The following CRISP1 variants were observed in gnomAD, a reference collection of about 807,000 sequenced individuals.
The protein encoded by CRISP1 is cysteine rich secretory protein 1.
In CRISP1, 44 loss-of-function variants were observed where a neutral mutation model predicts 33.1. The observed-to-expected ratio is 1.33, with a 90% CI of 1.05 to 1.71. The LOEUF (loss-of-function observed/expected upper bound fraction) is 1.71. CRISP1 is among the 40% of genes most tolerant of loss of function. CRISP1 has a pLI of 0.00. For missense variants in CRISP1, 390 were observed against 301.2 expected (o/e 1.29, Z -2.18); for synonymous variants, 103 against 98.7 (o/e 1.04, Z -0.26).
chr6:49,835,423 C>A lies in CRISP1; in HGVS notation c.643G>T (p.Asp215Tyr). The change falls in exon 8 of 8, where the codon GAT becomes TAT. Residue 215 changes from aspartate (D) to tyrosine (Y), a missense_variant. Asp to Tyr is a radical substitution (Grantham distance 160). Transcript: ENST00000335847. The part of the protein sequence containing the change: ...KLCTNPCIYY[D>Y]EYFDCDIQVH... ...TGTATGTCACAGTCGAAGTATTCAT[C>A]ATAGTAGATGCAGGGGTTAGCTGAA... The A allele has an allele frequency of 6.2e-7, 1 of 1,613,686 alleles. No homozygotes were observed. Among genetic ancestry groups the A allele is most frequent in the Non-Finnish European group, 8.5e-7 (1 of 1,179,730 alleles).
At chr6:49,863,419 A>G (rs935880744) in intron 1 of CRISP1, among the ~76,000 whole-genome samples, 1 of 152,206 alleles carries the variant, frequency 6.6e-6, no homozygotes, top group South Asian at 2.1e-4. Context: ...GAACAGAAGT[A>G]TTACAGAAGA....
intron 7 of CRISP1, among the ~76,000 whole-genome samples, chr6:49,837,089 A>G (rs1770824937): frequency 6.6e-6 from 1 of 152,000 alleles, no homozygotes; most frequent in South Asian, 2.1e-4. Context: ...TCCTAATATT[A>G]TAAGTAAGAA....
At chr6:49,871,765 T>C (rs1388092324) in intron 1 of CRISP1, among the ~76,000 whole-genome samples, 1 of 152,120 alleles carries the variant, frequency 6.6e-6, no homozygotes, top group South Asian at 2.1e-4. Flanking sequence ...TTCCATGGTG[T>C]ATATGTGCCA....
intron 7 of CRISP1, among the ~76,000 whole-genome samples, chr6:49,836,970 A>T (rs977208340): frequency 6.6e-6 from 1 of 152,002 alleles, no homozygotes; most frequent in Non-Finnish European, 1.5e-5. Context: ...GTGAAATATG[A>T]CTATCAGTGG....
At chr6:49,854,938 G>A (rs765205463) in intron 2 of CRISP1, among the ~76,000 whole-genome samples, 1 of 152,102 alleles carries the variant, frequency 6.6e-6, no homozygotes, top group East Asian at 1.9e-4. Context: ...TGGCAATAAG[G>A]TTGAAGTTGG....
At chr6:49,850,010 A>G (rs1453720219) in intron 3 of CRISP1, among the ~76,000 whole-genome samples, 1 of 149,688 alleles carries the variant, frequency 6.7e-6, no homozygotes, top group Non-Finnish European at 1.5e-5. Flanking sequence ...AAAAAACCAA[A>G]CACCGCATAT....
chr6:49,863,905 G>A lies in CRISP1; in HGVS notation c.-3+2524C>T, dbSNP rs568172994. Among the ~76,000 whole-genome samples the A allele has an allele frequency of 6.6e-5, 10 of 152,292 alleles. No homozygotes were observed. The South Asian group carries it at 2.1e-3, about 32-fold the overall frequency. On this transcript the variant is annotated intron_variant, in intron 1 of 7. Coordinates refer to ENST00000335847, the MANE Select transcript of CRISP1 (RefSeq NM_001131.3). ...GTGAATCTGTTATTTGTTTAAAAAA[G>A]TTACTGAGGTATAACTTACATATAA...
At chr6:49,842,398 A>G (rs1368388260) in intron 5 of CRISP1, among the ~76,000 whole-genome samples, 2 of 152,168 alleles carry the variant, frequency 1.3e-5, no homozygotes, top group African/African-American at 4.8e-5. Flanking sequence ...ATTGAACTTA[A>G]TTTATTCATT....
At chr6:49,867,635 T>G (rs1319383636), upstream of CRISP1, among the ~76,000 whole-genome samples, 1 of 151,964 alleles carries the variant, frequency 6.6e-6, no homozygotes, top group Non-Finnish European at 1.5e-5. Context: ...AAGTATATAA[T>G]GAATGTCCAG....
intron 1 of CRISP1, among the ~76,000 whole-genome samples, chr6:49,874,190 TC>T (rs1378420525): frequency 6.6e-6 from 1 of 152,084 alleles, no homozygotes; most frequent in Non-Finnish European, 1.5e-5. Flanking sequence ...GTTATTACTA[TC>T]AATGATAGAT....
At chr6:49,871,768 A>T (rs1004995879) in intron 1 of CRISP1, among the ~76,000 whole-genome samples, 1 of 151,988 alleles carries the variant, frequency 6.6e-6, no homozygotes, top group Non-Finnish European at 1.5e-5. Context: ...CATGGTGTAT[A>T]TGTGCCACAT....
chr6:49,842,596 A>G (rs2127470427), intron 5 of CRISP1, among the ~76,000 whole-genome samples: 1 of 152,146 alleles, frequency 6.6e-6, no homozygotes, highest in South Asian at 2.1e-4. Flanking sequence ...ATATTCCCCC[A>G]CTGGGCCTGC....
chr6:49,865,356 A>G (rs1407236560), intron 1 of CRISP1, among the ~76,000 whole-genome samples: 2 of 152,198 alleles, frequency 1.3e-5, no homozygotes, highest in Non-Finnish European at 2.9e-5. Context: ...CCCTTGAGTT[A>G]TAGATTTAAA....
chr6:49,870,493 A>C (rs1246971320), upstream of CRISP1, among the ~76,000 whole-genome samples: 1 of 152,170 alleles, frequency 6.6e-6, no homozygotes, highest in African/African-American at 2.4e-5. Flanking sequence ...CTGTGGCCTC[A>C]GGTATTGAAA....
intron 1 of CRISP1, among the ~76,000 whole-genome samples, chr6:49,874,357 A>T (rs1276665655): frequency 1.3e-5 from 2 of 152,116 alleles, no homozygotes; most frequent in Non-Finnish European, 2.9e-5. Context: ...AAAAACACTC[A>T]GAAAAATCAT....
chr6:49,860,008 A>G (rs939611586), intron 1 of CRISP1, among the ~76,000 whole-genome samples: 6 of 152,142 alleles, frequency 3.9e-5, no homozygotes, highest in African/African-American at 9.7e-5. Flanking sequence ...TAAGTTCAAA[A>G]CAGCAAAAGC....
chr6:49,853,922 A>G (rs1771423036), intron 2 of CRISP1, among the ~76,000 whole-genome samples: 1 of 152,078 alleles, frequency 6.6e-6, no homozygotes, highest in African/African-American at 2.4e-5. Flanking sequence ...TATCTGCATG[A>G]CCCCAAATCA....
At position 49,846,657 on chromosome 6, in the gene CRISP1, C is replaced by T; in HGVS notation, c.298G>A (p.Gly100Arg). ...LERRLPNTFC[G>R]ENMHMTSYPV... Reference sequence around the variant, plus strand: ...TAAGATGTCATATGCATATTTTCTCCACAAAAGGTATCTGAAATGAGAAAA... The same window carrying T: ...TAAGATGTCATATGCATATTTTCTCTACAAAAGGTATCTGAAATGAGAAAA... The change falls in exon 5 of 8, where the codon GGA becomes AGA. Residue 100 changes from glycine to arginine, a missense_variant. By Grantham distance (125) the Gly-to-Arg change is moderately radical (BLOSUM62 -2). Coordinates refer to ENST00000335847, the MANE Select transcript of CRISP1 (RefSeq NM_001131.3). 6.2e-7 allele frequency: 1 copy of T among 1,613,120 alleles called. No individual in the cohort carries two copies. Among genetic ancestry groups the T allele is most frequent in the Non-Finnish European group, 8.5e-7 (1 of 1,179,476 alleles).
chr6:49,854,401 C>T (rs984954842), intron 2 of CRISP1, among the ~76,000 whole-genome samples: 2 of 152,170 alleles, frequency 1.3e-5, no homozygotes, highest in Admixed American at 1.3e-4. Context: ...AGAAGTCTCA[C>T]TCTGCTGCCA....
Sources: allele counts gnomAD v4.1 joint callset (sites outside exome capture counted in the v4.1 genomes callset), GRCh38; gene constraint gnomAD v4.1.1; transcripts MANE v1.5; gene names NCBI Gene and HGNC (gene_info 2026-07-23, HGNC 2026-07-21).